The following SLCO2A1 variants were observed in gnomAD, a reference collection of about 807,000 sequenced individuals.
SLCO2A1 encodes matrin F/G 1.
In SLCO2A1, 60 loss-of-function variants were observed where a neutral mutation model predicts 71.7. The observed-to-expected ratio is 0.84, with a 90% CI of 0.68 to 1.04. SLCO2A1 has a LOEUF of 1.04. Among genes scored for constraint, SLCO2A1 ranks in the 50% least tolerant of loss-of-function variants. SLCO2A1 has a pLI of 0.00. For missense variants in SLCO2A1, 745 were observed against 813.4 expected, an observed-to-expected ratio of 0.92 and a Z score of 1.02; for synonymous variants, 308 against 326.7, an observed-to-expected ratio of 0.94 and a Z score of 0.62.
rs559510072 is a variant in SLCO2A1, at chr3:133,948,620, C to G, written c.1021G>C (p.Val341Leu). The G allele has an allele frequency of 6.2e-7, 1 of 1,614,074 alleles. No homozygotes were observed. The highest frequency in any genetic ancestry group is 1.7e-5 in the Admixed American group (1 of 60,012). Residue 341 changes from valine to leucine, a missense_variant, in exon 8 of 14, where the codon GTC becomes CTC. Coordinates refer to ENST00000310926, the MANE Select transcript of SLCO2A1 (RefSeq NM_005630.3). ...VVLAQCTFSS[V>L]IAGLSTFLNK... ...AGGAAGGTGGAGAGGCCAGCAATGA[C>G]GGAGGAGAAGGTGCACTGGGCCAGG...
At chr3:133,961,891 G>A (rs1459193248) in intron 3 of SLCO2A1, among the ~76,000 whole-genome samples, 5 of 152,076 alleles carry the variant, frequency 3.3e-5, no homozygotes, top group South Asian at 2.1e-4. Flanking sequence ...ATGCAACCCC[G>A]AGGTCAGTGC....
chr3:133,964,743 C>T (rs904068811), intron 3 of SLCO2A1, among the ~76,000 whole-genome samples: 2 of 152,172 alleles, frequency 1.3e-5, no homozygotes, highest in African/African-American at 4.8e-5. Context: ...AGAGGGGGCC[C>T]TAGGGAAAAT....
rs189840304 is a variant in SLCO2A1, at chr3:133,975,995, T to C, written c.235-2170A>G. Reference sequence around the variant, plus strand: ...CCTTAGAATGATATATGAGCAGAGATTTTTGTCTGTTCATTCCTGTTTCCC... The same window carrying C: ...CCTTAGAATGATATATGAGCAGAGACTTTTGTCTGTTCATTCCTGTTTCCC... On this transcript the variant is annotated intron_variant, in intron 2 of 13. Coordinates refer to ENST00000310926, the MANE Select transcript of SLCO2A1 (RefSeq NM_005630.3). 3.3e-4 allele frequency among the ~76,000 whole-genome samples: 51 copies of C among 152,346 alleles called. No individual in the cohort carries two copies. In the East Asian group the frequency reaches 5.8e-3, roughly 17 times the overall value.
At chr3:134,022,701 A>G (rs1208718625) in intron 1 of SLCO2A1, among the ~76,000 whole-genome samples, 1 of 152,254 alleles carries the variant, frequency 6.6e-6, no homozygotes, top group Non-Finnish European at 1.5e-5. Flanking sequence ...TAGGTTTAAC[A>G]TTAATAACAC....
At chr3:133,989,686 C>A (rs1934795617) in intron 1 of SLCO2A1, among the ~76,000 whole-genome samples, 1 of 152,208 alleles carries the variant, frequency 6.6e-6, no homozygotes, top group African/African-American at 2.4e-5. Context: ...CAGCCCACCA[C>A]CAGTACCGCA....
rs1289417105 is a variant in SLCO2A1 at position 133,979,491 on chromosome 3, C to A, written c.224G>T (p.Ser75Ile). Residue 75 changes from serine (S) to isoleucine (I), a missense_variant, in exon 2 of 14, where the codon AGC becomes ATC. Physicochemically the swap from Ser to Ile is moderately radical, Grantham distance 142. Transcript: ENST00000310926. Reference protein sequence around the residue: ...LSSSSSGLISSLNEISNAILI... With the variant: ...LSSSSSGLISILNEISNAILI... ...GAACCTCCTGCTCACCTCATTCAAG[C>A]TGGAAATGAGACCCGATGAAGAACT... 2 of 1,614,202 alleles carry A rather than the reference C, an allele frequency of 1.2e-6. No homozygotes were observed. The highest frequency in any genetic ancestry group is 2.2e-5 in the East Asian group (1 of 44,878).
chr3:133,992,349 T>A (rs946813847), intron 1 of SLCO2A1, among the ~76,000 whole-genome samples: 3 of 152,200 alleles, frequency 2.0e-5, no homozygotes, highest in African/African-American at 7.2e-5. Flanking sequence ...GAGGCATTGT[T>A]TGAAGGAAGA....
At chr3:133,949,226 C>G in intron 6 of SLCO2A1, 4 of 507,302 alleles carry the variant, frequency 7.9e-6, no homozygotes, top group Non-Finnish European at 1.4e-5. Context: ...GTGGGCATAT[C>G]ATTTCATATC....
chr3:133,959,365 T>C (rs979205045), intron 3 of SLCO2A1, among the ~76,000 whole-genome samples: 1 of 146,488 alleles, frequency 6.8e-6, no homozygotes, highest in Non-Finnish European at 1.5e-5. Flanking sequence ...TACAATGAGA[T>C]ATCACTTCAT....
At chr3:134,001,072 G>T (rs1935094890) in intron 1 of SLCO2A1, among the ~76,000 whole-genome samples, 2 of 151,806 alleles carry the variant, frequency 1.3e-5, no homozygotes, top group Admixed American at 1.3e-4. Flanking sequence ...CAAGGATCTG[G>T]AGCCCCATGG....
At chr3:134,018,346 C>T (rs964739944) in intron 1 of SLCO2A1, among the ~76,000 whole-genome samples, 6 of 152,194 alleles carry the variant, frequency 3.9e-5, no homozygotes, top group Non-Finnish European at 7.3e-5. Context: ...GGATAGAGCA[C>T]TTTGCTCTGG....
chr3:134,021,467 A>G (rs1169691559), intron 1 of SLCO2A1, among the ~76,000 whole-genome samples: 1 of 152,156 alleles, frequency 6.6e-6, no homozygotes, highest in African/African-American at 2.4e-5. Flanking sequence ...GTTCCTGTAC[A>G]TAGACACTTG....
chr3:133,965,619 G>C (rs902446318), intron 3 of SLCO2A1, among the ~76,000 whole-genome samples: 1 of 148,404 alleles, frequency 6.7e-6, no homozygotes, highest in Non-Finnish European at 1.5e-5. Flanking sequence ...AAGGAATTCA[G>C]CTAGTCAGCT....
At chr3:133,954,062 C>T (rs565666156) in intron 4 of SLCO2A1, among the ~76,000 whole-genome samples, 10 of 151,252 alleles carry the variant, frequency 6.6e-5, no homozygotes, top group African/African-American at 2.4e-4. Flanking sequence ...ATGCTGGGGG[C>T]CCTCGGAGGA....
Position 133,948,518 on chromosome 3 carries a change from A to G in SLCO2A1, c.1105+18T>C, listed in dbSNP as rs1199965843. 6.2e-7 allele frequency: 1 copy of G among 1,608,428 alleles called. No homozygotes were observed. The highest frequency in any genetic ancestry group is 8.5e-7 in the Non-Finnish European group (1 of 1,177,234). ...CCCAGGCAAGCCCTGCGGATCCTGCAGCACCCTCTGGGCTCACCAATGAGG... is the reference window on the plus strand; with the variant it reads ...CCCAGGCAAGCCCTGCGGATCCTGCGGCACCCTCTGGGCTCACCAATGAGG... On this transcript the variant is annotated intron_variant, in intron 8 of 13. Transcript: ENST00000310926.
chr3:133,960,206 T>C (rs1041888111), intron 3 of SLCO2A1, among the ~76,000 whole-genome samples: 2 of 152,170 alleles, frequency 1.3e-5, no homozygotes, highest in African/African-American at 4.8e-5. Flanking sequence ...CACTTCTGAG[T>C]ATATACCCCC....
rs1213507536 is a variant in SLCO2A1, at chr3:133,979,579, G to GTTGGCAGAGCTGCAGGAGGCC, written c.115_135dup (p.Gly39_Gln45dup). On this transcript the variant is annotated inframe_insertion, in exon 2 of 14. Transcript: ENST00000310926. ...CTCTTGAAGTAGGCGCTGTACAGGA[G>GTTGGCAGAGCTGCAGGAGGCC]TTGGCAGAGCTGCAGGAGGCCTTGG... 1.2e-6 allele frequency: 2 copies of GTTGGCAGAGCTGCAGGAGGCC among 1,614,052 alleles called. No individual in the cohort carries two copies. Among genetic ancestry groups the GTTGGCAGAGCTGCAGGAGGCC allele is most frequent in the East Asian group, 2.2e-5 (1 of 44,884 alleles).
chr3:133,997,627 C>T (rs915789714), intron 1 of SLCO2A1, among the ~76,000 whole-genome samples: 8 of 152,204 alleles, frequency 5.3e-5, no homozygotes, highest in African/African-American at 1.9e-4. Flanking sequence ...TGGGTTCCCC[C>T]TCAGAAGGAA....
chr3:134,024,804 C>A (rs1239518903), intron 1 of SLCO2A1, among the ~76,000 whole-genome samples: 11 of 152,126 alleles, frequency 7.2e-5, no homozygotes, highest in Non-Finnish European at 1.6e-4. Flanking sequence ...GCTAGATTAA[C>A]CAAGTACCAA....
Sources: allele counts gnomAD v4.1 joint callset (sites outside exome capture counted in the v4.1 genomes callset), GRCh38; gene constraint gnomAD v4.1.1; transcripts MANE v1.5; gene names NCBI Gene and HGNC (gene_info 2026-07-23, HGNC 2026-07-21).